The following WDR3 variants were observed in gnomAD, a reference collection of about 807,000 sequenced individuals.
WDR3 encodes WD repeat domain 3.
WDR3 carries 81 observed loss-of-function variants against 123.7 expected under a neutral mutation model. The observed-to-expected ratio is 0.65, with a 90% CI of 0.55 to 0.79. WDR3 has a LOEUF of 0.79. Ranked by LOEUF, WDR3 falls within the 30% of genes least tolerant of loss-of-function variation. The probability of loss-of-function intolerance (pLI) is 0.00; values close to 1 mark genes in which losing one functional copy is unlikely to be tolerated. For missense variants in WDR3, 1,027 were observed against 1,123.2 expected (o/e 0.91, Z 1.22); for synonymous variants, 390 against 388.8 (o/e 1.00, Z -0.04).
In WDR3 at chr1:117,959,558, A is replaced by T. The variant is rs1652752912; in HGVS notation, c.*111A>T. ...AAAATACCAAATAACAGAAGATCGC[A>T]TTGCAGATGATATCAGGATGTGGTT... On this transcript the variant is annotated 3_prime_UTR_variant, in exon 27 of 27. Transcript: ENST00000349139. 1 of 1,150,198 alleles carries T rather than the reference A, an allele frequency of 8.7e-7. No homozygotes were observed. The highest frequency in any genetic ancestry group is 2.7e-5 in the East Asian group (1 of 37,124). The allele number at this position is 1,150,198 out of a possible 1,614,324, so 71.2% of individuals were successfully genotyped here.
Position 117,946,098 on chromosome 1 carries a change from G to A in WDR3, c.1341G>A (p.Gln447=), listed in dbSNP as rs1651367942. 1.9e-6 allele frequency: 3 copies of A among 1,611,656 alleles called. No homozygotes were observed. The highest frequency in any genetic ancestry group is 1.3e-5 in the African/African-American group (1 of 74,854). Residue 447 remains glutamine, a synonymous_variant, in exon 12 of 27, where the codon CAG becomes CAA. Transcript: ENST00000349139. The part of the protein sequence containing the change: ...SIKIWNRSTL[Q]CIRTMTCEYA... ...TTCTTTCTCATAGGTCTACACTGCA[G>A]TGTATTCGCACAATGACCTGTGAAT...
At chr1:117,944,525 C>T (rs80244090) in intron 11 of WDR3, among the ~76,000 whole-genome samples, 6 of 152,260 alleles carry the variant, frequency 3.9e-5, no homozygotes, top group Non-Finnish European at 7.4e-5. Context: ...TACTTTGTGT[C>T]ACCACTTGGA....
chr1:117,940,310 G>A (rs1651096556), intron 6 of WDR3, among the ~76,000 whole-genome samples: 1 of 152,258 alleles, frequency 6.6e-6, no homozygotes, highest in East Asian at 1.9e-4. Context: ...TGTATATTAT[G>A]TAGTCAGTTT....
At chr1:117,953,605 T>G (rs1421263478) in intron 21 of WDR3, 64 bp downstream of exon 21, 2 of 1,546,724 alleles carry the variant, frequency 1.3e-6, no homozygotes, top group Non-Finnish European at 1.8e-6. Flanking sequence ...AGTAAAAGTT[T>G]TATTCTGTAT....
At chr1:117,947,958 G>A (rs1353969865) in intron 12 of WDR3, among the ~76,000 whole-genome samples, 1 of 152,146 alleles carries the variant, frequency 6.6e-6, no homozygotes, top group Non-Finnish European at 1.5e-5. Flanking sequence ...ATGTATTGCA[G>A]AGGAGGAAAC....
At chr1:117,958,393 G>C (rs1652528990) in intron 25 of WDR3, among the ~76,000 whole-genome samples, 1 of 152,098 alleles carries the variant, frequency 6.6e-6, no homozygotes, top group Non-Finnish European at 1.5e-5. Context: ...AGGGTTGCTG[G>C]TTCTACGAGT....
intron 12 of WDR3, among the ~76,000 whole-genome samples, chr1:117,947,694 A>T (rs529924537): frequency 6.6e-6 from 1 of 152,328 alleles, no homozygotes; most frequent in South Asian, 2.1e-4. Flanking sequence ...GTTCATGGGG[A>T]TGAATTTACC....
In WDR3 at chr1:117,951,971, C is replaced by T. The variant is rs541190782; in HGVS notation, c.1804-5C>T. The T allele has an allele frequency of 1.4e-5, 22 of 1,608,998 alleles. No individual in the cohort carries two copies. The highest frequency in any genetic ancestry group is 1.9e-5 in the Non-Finnish European group (22 of 1,178,096). ...AAGGTAGTGTTTTACTTTTATTTCT[C>T]ATAGGATGGAGCACTCATAGCAACT... On this transcript the variant is annotated splice_region_variant and splice_polypyrimidine_tract_variant and intron_variant, in intron 16 of 26. Transcript: ENST00000349139.
chr1:117,956,893 T>A (rs1652277611), intron 24 of WDR3, among the ~76,000 whole-genome samples, 175 bp from the exon 25 acceptor site: 1 of 152,040 alleles, frequency 6.6e-6, no homozygotes, highest in Non-Finnish European at 1.5e-5. Flanking sequence ...GATTAAGATA[T>A]TAAATACAAA....
In WDR3 at chr1:117,950,840, C is replaced by G. The variant is rs1651582893; in HGVS notation, c.1753C>G (p.Leu585Val). 1 of 1,607,210 alleles carries G rather than the reference C, an allele frequency of 6.2e-7. No homozygotes were observed. Among genetic ancestry groups the G allele is most frequent in the African/African-American group, 1.3e-5 (1 of 74,512 alleles). ...IFYVDTLKFF[L>V]SLYGHKLPVI... The stretch of plus-strand genomic sequence containing the variant: ...ATGTTTTTTTGATGTTTAGTTTTTT[C>G]TGTCACTGTATGGACACAAACTGCC... Residue 585 changes from leucine to valine, a missense_variant, in exon 16 of 27, where the codon CTG becomes GTG. Transcript: ENST00000349139.
chr1:117,951,753 A>G (rs1249832697), intron 16 of WDR3, among the ~76,000 whole-genome samples: 2 of 152,174 alleles, frequency 1.3e-5, no homozygotes, highest in Non-Finnish European at 2.9e-5. Context: ...CTGTGACAGT[A>G]CGAAAGTATT....
Position 117,961,172 on chromosome 1 carries a change from A to C in WDR3, c.*1725A>C, listed in dbSNP as rs1653039911. 6.6e-6 allele frequency: 1 copy of C among 152,224 alleles called. No homozygotes were observed. Among genetic ancestry groups the C allele is most frequent in the South Asian group, 2.1e-4 (1 of 4,832 alleles). 9.4% of individuals were successfully genotyped at this position (152,224 alleles called of 1,614,324 possible). On this transcript the variant is annotated 3_prime_UTR_variant, in exon 27 of 27. Transcript: ENST00000349139. ...GTGGCAGGCGCTTGTAATCCCAGCT[A>C]CTCAGGAGGCTGAGACAGGAGAATC...
intron 10 of WDR3, 25 bp from the exon 11 acceptor site, chr1:117,943,371 C>A: frequency 6.3e-7 from 1 of 1,584,058 alleles, no homozygotes. Flanking sequence ...GTAGCTAGAA[C>A]ATTTATGATT....
chr1:117,955,009 T>C (rs1651960413), intron 23 of WDR3: 1 of 382,894 alleles, frequency 2.6e-6, no homozygotes. Flanking sequence ...TGGGAGAATG[T>C]ATGTTTATCT....
In WDR3 at chr1:117,940,821, A is replaced by G; in HGVS notation, c.676-6A>G. 1 of 1,599,294 alleles carries G rather than the reference A, an allele frequency of 6.3e-7. No homozygotes were observed. The highest frequency in any genetic ancestry group is 8.5e-7 in the Non-Finnish European group (1 of 1,173,966). On this transcript the variant is annotated splice_region_variant and splice_polypyrimidine_tract_variant and intron_variant, in intron 6 of 26. Coordinates refer to ENST00000349139, the MANE Select transcript of WDR3 (RefSeq NM_006784.3). ...CAGCTTTTATTTTCTCATTTTTATA[A>G]AACAGATTGAAGACCCGGAAGAACC...
chr1:117,954,576 A>T lies in WDR3; in HGVS notation c.2362-4A>T. The T allele has an allele frequency of 6.2e-7, 1 of 1,612,462 alleles. No homozygotes were observed. Among genetic ancestry groups the T allele is most frequent in the Non-Finnish European group, 8.5e-7 (1 of 1,179,032 alleles). ...AATGACTTGATTTAATAATTTCTTCATAGGTTCCACTTCCCAGCAACCCCA... is the reference window on the plus strand; with the variant it reads ...AATGACTTGATTTAATAATTTCTTCTTAGGTTCCACTTCCCAGCAACCCCA... On this transcript the variant is annotated splice_region_variant and splice_polypyrimidine_tract_variant and intron_variant, in intron 22 of 26. Coordinates refer to ENST00000349139, the MANE Select transcript of WDR3 (RefSeq NM_006784.3).
At chr1:117,937,922 A>G (rs1651002697) in intron 4 of WDR3, among the ~76,000 whole-genome samples, 1 of 152,222 alleles carries the variant, frequency 6.6e-6, no homozygotes, top group African/African-American at 2.4e-5. Flanking sequence ...ATTAAAAATT[A>G]AGGTTATCTG....
chr1:117,955,887 T>C (rs539575734), intron 24 of WDR3, among the ~76,000 whole-genome samples: 5 of 152,154 alleles, frequency 3.3e-5, no homozygotes, highest in Non-Finnish European at 7.4e-5. Flanking sequence ...CATATATCTT[T>C]GTCATCATTA....
rs1481467009 is a variant in WDR3, at chr1:117,964,096, G to A, written c.*4649G>A. 1 of 721,862 alleles carries A rather than the reference G, an allele frequency of 1.4e-6. No individual in the cohort carries two copies. The highest frequency in any genetic ancestry group is 2.2e-6 in the Non-Finnish European group (1 of 449,450). 44.7% of individuals were successfully genotyped at this position (721,862 alleles called of 1,614,324 possible). A position where few individuals can be genotyped will look rare whatever the true frequency, so the allele number is the denominator to read the frequency against. ...GCAAATTCTGCATGCTCAGGCTTGG[G>A]GGTTAGAGGATGGATATGCCAATGT... On this transcript the variant is annotated 3_prime_UTR_variant, in exon 27 of 27. Coordinates refer to ENST00000349139, the MANE Select transcript of WDR3 (RefSeq NM_006784.3).
Sources: allele counts gnomAD v4.1 joint callset (sites outside exome capture counted in the v4.1 genomes callset), GRCh38; gene constraint gnomAD v4.1.1; transcripts MANE v1.5; gene names NCBI Gene and HGNC (gene_info 2026-07-23, HGNC 2026-07-21).